Variants in TPO observed in about 807,000 individuals in gnomAD.
The protein encoded by TPO is thyroid peroxidase.
TPO carries 78 observed loss-of-function variants against 96.9 expected under a neutral mutation model. That is an observed-to-expected ratio of 0.81 (90% CI 0.67 to 0.97). TPO has a LOEUF of 0.97. Among genes scored for constraint, TPO ranks in the 50% least tolerant of loss-of-function variants. The pLI, the probability that TPO is intolerant of heterozygous loss-of-function variation, is 0.00. For synonymous variants in TPO, 547 were observed against 538.0 expected (o/e 1.02, Z -0.23); for missense variants, 1,252 against 1,274.8 (o/e 0.98, Z 0.27).
rs926445518 is a variant in TPO at position 1,481,156 on chromosome 2, C to T, written c.1339-3440C>T. ...CCACCAGGAGGAACTGAAGCTCTTG[C>T]TCTTCAATCCCAGAAAACCCTAGCT... On this transcript the variant is annotated intron_variant, in intron 8 of 16. Transcript: ENST00000329066. Among the ~76,000 whole-genome samples the T allele has an allele frequency of 3.1e-4, 47 of 152,174 alleles. 1 individual carries two copies. Among genetic ancestry groups the T allele is most frequent in the African/African-American group, 1.1e-3 (46 of 41,424 alleles).
chr2:1,414,606 C>T, intron 2 of TPO, 104 bp downstream of exon 2: 1 of 1,036,224 alleles, frequency 9.7e-7, no homozygotes, highest in South Asian at 1.4e-5. Context: ...CTTTAGGCCC[C>T]TGTAGTGTAT....
Position 1,451,335 on chromosome 2 carries a change from G to A in TPO, c.483-2359G>A, listed in dbSNP as rs573965111. ...CATCTAAATCGGTCACATTTAATACGAATGACTAATGTATGTTATAACCAT... is the reference window on the plus strand; with the variant it reads ...CATCTAAATCGGTCACATTTAATACAAATGACTAATGTATGTTATAACCAT... On this transcript the variant is annotated intron_variant, in intron 5 of 16. Transcript: ENST00000329066. 1.5e-3 allele frequency among the ~76,000 whole-genome samples: 223 copies of A among 152,172 alleles called. 2 individuals carry two copies. The highest frequency in any genetic ancestry group is 4.3e-3 in the African/African-American group (180 of 41,524).
intron 5 of TPO, among the ~76,000 whole-genome samples, chr2:1,448,531 T>C (rs1667029005): frequency 6.6e-6 from 1 of 152,196 alleles, no homozygotes; most frequent in Non-Finnish European, 1.5e-5. Flanking sequence ...GTCAGGCTCC[T>C]TGCACGCTGT....
intron 7 of TPO, among the ~76,000 whole-genome samples, chr2:1,475,147 G>C (rs1255823921): frequency 6.6e-6 from 1 of 152,184 alleles, no homozygotes; most frequent in African/African-American, 2.4e-5. Context: ...TCAGTGAGTA[G>C]GAGAATTTGC....
chr2:1,460,872 C>T (rs11211652), intron 7 of TPO, among the ~76,000 whole-genome samples: 3 of 151,750 alleles, frequency 2.0e-5, no homozygotes, highest in African/African-American at 7.3e-5. Context: ...CACCTTTGGG[C>T]TCCCCTGGAG....
intron 8 of TPO, among the ~76,000 whole-genome samples, chr2:1,484,118 C>G (rs551096270): frequency 1.3e-5 from 2 of 152,334 alleles, no homozygotes; most frequent in African/African-American, 4.8e-5. Context: ...GACCATGTAT[C>G]AAATCGTAAT....
chr2:1,434,368 G>A (rs1558280585), intron 4 of TPO, among the ~76,000 whole-genome samples: 1 of 152,172 alleles, frequency 6.6e-6, no homozygotes, highest in Non-Finnish European at 1.5e-5. Flanking sequence ...TGGTTACTTA[G>A]CTTTTAGAAT....
intron 14 of TPO, chr2:1,512,486 G>C: frequency 2.0e-6 from 2 of 985,422 alleles, no homozygotes; most frequent in Non-Finnish European, 2.4e-6. Context: ...GCTGCCTTCT[G>C]GTTCTGTGTG....
chr2:1,478,853 A>C (rs1476534536), intron 8 of TPO, among the ~76,000 whole-genome samples: 1 of 151,254 alleles, frequency 6.6e-6, no homozygotes, highest in East Asian at 1.9e-4. Flanking sequence ...ACGCATCCAC[A>C]CAGCAAACAC....
intron 13 of TPO, 142 bp downstream of exon 13, chr2:1,496,907 C>A: frequency 7.8e-7 from 1 of 1,288,846 alleles, no homozygotes; most frequent in Non-Finnish European, 1.1e-6. Context: ...GGATAGAAAG[C>A]AAGGGCTCTC....
chr2:1,485,883 T>C (rs979324061), intron 9 of TPO, among the ~76,000 whole-genome samples: 12 of 152,226 alleles, frequency 7.9e-5, no homozygotes, highest in African/African-American at 2.9e-4. Context: ...GTGGTTTCTA[T>C]TGCTGTGCAG....
At chr2:1,391,941 T>C (rs2148359376) in intron 1 of TPO, among the ~76,000 whole-genome samples, 1 of 152,318 alleles carries the variant, frequency 6.6e-6, no homozygotes, top group African/African-American at 2.4e-5. Context: ...TTTTTAAATA[T>C]ACAATCATGT....
intron 7 of TPO, among the ~76,000 whole-genome samples, chr2:1,457,413 C>A (rs189530862): frequency 7.9e-4 from 13 of 16,364 alleles, no homozygotes; most frequent in South Asian, 2.2e-3. Context: ...CATGTATGAT[C>A]GCGTGTGGGC....
In TPO at chr2:1,487,807, A is replaced by G. The variant is rs745898592; in HGVS notation, c.1598-14A>G. On this transcript the variant is annotated splice_polypyrimidine_tract_variant and intron_variant, in intron 9 of 16. Transcript: ENST00000329066. ...GCCAAGAGCTGTCCTTGCCTTGTGC[A>G]TGGTATTTTCCAGGTGGTTTGGACC... The G allele has an allele frequency of 1.2e-6, 2 of 1,614,114 alleles. No individual in the cohort carries two copies. Among genetic ancestry groups the G allele is most frequent in the Non-Finnish European group, 1.7e-6 (2 of 1,180,014 alleles).
upstream of TPO, among the ~76,000 whole-genome samples, chr2:1,413,103 C>T (rs994786992): frequency 6.6e-6 from 1 of 152,062 alleles, no homozygotes; most frequent in Non-Finnish European, 1.5e-5. Flanking sequence ...GGGAGCTGCA[C>T]CCAACCCAAT....
At chr2:1,469,659 T>C (rs1019318226) in intron 7 of TPO, among the ~76,000 whole-genome samples, 2 of 152,116 alleles carry the variant, frequency 1.3e-5, no homozygotes, top group African/African-American at 2.4e-5. Context: ...CTTCCTCTAC[T>C]CTTGTATTCC....
chr2:1,504,057 A>G lies in TPO; in HGVS notation c.2496A>G (p.Gly832=). 6.2e-7 allele frequency: 1 copy of G among 1,614,146 alleles called. No individual in the cohort carries two copies. Among genetic ancestry groups the G allele is most frequent in the Non-Finnish European group, 8.5e-7 (1 of 1,180,032 alleles). Residue 832 remains glycine, a synonymous_variant, in exon 14 of 17, where the codon GGA becomes GGG. Transcript: ENST00000329066. ...QCLCADPYEL[G]DDGRTCVDSG... ...TCTGCGCGGACCCCTACGAGTTAGG[A>G]GACGATGGGAGAACCTGCGTAGGTG... is the stretch of plus-strand genomic sequence containing the variant.
At chr2:1,528,760 GCCTCCTCAAATCCCCCCACTGTGTGCAA>G (rs1677243432) in intron 15 of TPO, among the ~76,000 whole-genome samples, 5 of 91,884 alleles carry the variant, frequency 5.4e-5, no homozygotes, top group South Asian at 3.9e-4. Context: ...ACTGTGTGCA[GCCTCCTCAAATCCCCCCACTGTGTGCAA>G]CCTCCTCCAA....
At chr2:1,535,327 C>T (rs1194868462) in intron 15 of TPO, among the ~76,000 whole-genome samples, 1 of 29,320 alleles carries the variant, frequency 3.4e-5, no homozygotes, top group Non-Finnish European at 7.5e-5. Flanking sequence ...TCCTCAAATC[C>T]CCCCCACTGT....
Sources: allele counts gnomAD v4.1 joint callset (sites outside exome capture counted in the v4.1 genomes callset), GRCh38; gene constraint gnomAD v4.1.1; transcripts MANE v1.5; gene names NCBI Gene and HGNC (gene_info 2026-07-23, HGNC 2026-07-21).